Variants in RNF220 observed in about 807,000 individuals in gnomAD.
The protein encoded by RNF220 is ring finger protein 220.
RNF220 carries 7 observed loss-of-function variants against 67.1 expected under a neutral mutation model. The observed-to-expected ratio is 0.10, with a 90% confidence interval of 0.06 to 0.20. The LOEUF is 0.20. RNF220 is among the 10% of genes least tolerant of loss of function. The pLI is 1.00. For missense variants in RNF220, 565 were observed against 740.3 expected (o/e 0.76, Z 2.75); for synonymous variants, 270 against 283.2 (o/e 0.95, Z 0.47).
chr1:44,598,294 G>A (rs1464195807), intron 2 of RNF220, among the ~76,000 whole-genome samples: 1 of 152,172 alleles, frequency 6.6e-6, no homozygotes, highest in African/African-American at 2.4e-5. Context: ...ATGGCTGTGT[G>A]TGTATTGCTA....
chr1:44,574,673 G>A (rs1007636292), intron 2 of RNF220, among the ~76,000 whole-genome samples: 22 of 152,160 alleles, frequency 1.4e-4, no homozygotes, highest in African/African-American at 4.3e-4. Flanking sequence ...GATTCTGCAC[G>A]TTCATTCCTC....
chr1:44,498,308 C>A (rs1469460410), intron 2 of RNF220, among the ~76,000 whole-genome samples: 2 of 152,138 alleles, frequency 1.3e-5, no homozygotes, highest in Non-Finnish European at 2.9e-5. Context: ...ACAGCCTCAC[C>A]ACCCAATTCT....
chr1:44,614,040 G>T, intron 2 of RNF220, 125 bp from the exon 3 acceptor site: 1 of 1,295,078 alleles, frequency 7.7e-7, no homozygotes, highest in South Asian at 1.5e-5. Context: ...AAACCCTCAG[G>T]CCCCTCCTCT....
At chr1:44,605,033 G>A (rs1667174309) in intron 2 of RNF220, among the ~76,000 whole-genome samples, 1 of 152,124 alleles carries the variant, frequency 6.6e-6, no homozygotes. Flanking sequence ...CGGGCGCGGT[G>A]GCTCATGCCT....
At chr1:44,596,780 A>G (rs1343518213) in intron 2 of RNF220, among the ~76,000 whole-genome samples, 1 of 152,186 alleles carries the variant, frequency 6.6e-6, no homozygotes, top group Non-Finnish European at 1.5e-5. Flanking sequence ...CCCTCCCATC[A>G]TTCCCAAATG....
intron 5 of RNF220, 38 bp from the exon 6 acceptor site, chr1:44,632,305 C>T: frequency 6.2e-7 from 1 of 1,613,980 alleles, no homozygotes; most frequent in Non-Finnish European, 8.5e-7. Context: ...CTGACGCTCT[C>T]TTTTCTTTTC....
intron 2 of RNF220, among the ~76,000 whole-genome samples, chr1:44,544,862 T>G (rs937076803): frequency 6.6e-6 from 1 of 152,210 alleles, no homozygotes; most frequent in Non-Finnish European, 1.5e-5. Flanking sequence ...CAGGAGGGGT[T>G]GTTGTATGTC....
chr1:44,635,484 C>T (rs1644298233), intron 6 of RNF220, 61 bp from the exon 7 acceptor site: 7 of 1,588,054 alleles, frequency 4.4e-6, no homozygotes, highest in Non-Finnish European at 6.0e-6. Context: ...TCCACTGGGA[C>T]CCTGGGGGCT....
chr1:44,605,296 C>CAAAAAAA (rs1553120199), intron 2 of RNF220, among the ~76,000 whole-genome samples: 1 of 52,084 alleles, frequency 1.9e-5, no homozygotes, highest in Non-Finnish European at 4.1e-5. Context: ...GACTCCGTCT[C>CAAAAAAA]AAAAAAAAAA....
chr1:44,635,518 T>G, intron 6 of RNF220, 27 bp from the exon 7 acceptor site: 1 of 1,611,348 alleles, frequency 6.2e-7, no homozygotes, highest in Non-Finnish European at 8.5e-7. Flanking sequence ...GCTTGTTCTG[T>G]GCTTTGTTTT....
At chr1:44,496,027 A>G (rs1189395946) in intron 2 of RNF220, among the ~76,000 whole-genome samples, 3 of 152,210 alleles carry the variant, frequency 2.0e-5, no homozygotes, top group Admixed American at 6.5e-5. Flanking sequence ...AGAAGCTTAC[A>G]CTGAATCCTA....
chr1:44,570,323 T>C (rs542928021), intron 2 of RNF220, among the ~76,000 whole-genome samples: 9 of 152,338 alleles, frequency 5.9e-5, no homozygotes, highest in African/African-American at 2.2e-4. Flanking sequence ...CTTTCCCTTG[T>C]CCACTTTTCT....
At chr1:44,542,284 G>A (rs909621121) in intron 2 of RNF220, among the ~76,000 whole-genome samples, 1 of 152,212 alleles carries the variant, frequency 6.6e-6, no homozygotes, top group African/African-American at 2.4e-5. Flanking sequence ...GTGGGCAGGA[G>A]CTGACCAAGT....
intron 2 of RNF220, among the ~76,000 whole-genome samples, chr1:44,610,544 T>C (rs960053837): frequency 6.6e-6 from 1 of 152,172 alleles, no homozygotes; most frequent in East Asian, 1.9e-4. Context: ...CAACCAGGCC[T>C]GTGTGACCTA....
intron 5 of RNF220, among the ~76,000 whole-genome samples, chr1:44,627,344 C>CAAA (rs35722890): frequency 7.1e-5 from 3 of 42,252 alleles, no homozygotes; most frequent in Non-Finnish European, 1.3e-4. Flanking sequence ...GACTCCGTCT[C>CAAA]AAAAAAAAAA....
intron 2 of RNF220, among the ~76,000 whole-genome samples, chr1:44,583,951 A>G (rs1459912776): frequency 6.6e-6 from 1 of 152,242 alleles, no homozygotes; most frequent in Non-Finnish European, 1.5e-5. Context: ...ACCACCACTA[A>G]CATTTTTTGA....
At chr1:44,625,485 C>T (rs1040220299) in intron 4 of RNF220, among the ~76,000 whole-genome samples, 2 of 152,128 alleles carry the variant, frequency 1.3e-5, no homozygotes, top group Admixed American at 6.5e-5. Context: ...CTGTCACTGG[C>T]GATTTGGCAT....
intron 2 of RNF220, among the ~76,000 whole-genome samples, chr1:44,530,103 CT>C (rs1274052328): frequency 1.1e-4 from 16 of 151,900 alleles, no homozygotes; most frequent in South Asian, 8.3e-4. Context: ...CAACAACATA[CT>C]TTTTTTGTGA....
chr1:44,447,507 C>G (rs1470479854), intron 2 of RNF220, among the ~76,000 whole-genome samples: 2 of 152,176 alleles, frequency 1.3e-5, no homozygotes, highest in Non-Finnish European at 2.9e-5. Context: ...TGCTTCCAGT[C>G]TTGCCTGCCC....
Sources: gnomAD v4.1 joint callset for allele counts (sites outside exome capture counted in the v4.1 genomes callset) on GRCh38, gnomAD v4.1.1 for gene constraint, MANE v1.5 for transcripts, NCBI Gene and HGNC (gene_info 2026-07-23, HGNC 2026-07-21) for gene names.